DHRS7B: variants seen among roughly 807,000 people sequenced by gnomAD.
The protein encoded by DHRS7B is peroxisomal reductase activating PPAR-gamma.
Under a neutral mutation model 26.4 loss-of-function variants are expected in DHRS7B, and 24 were observed. That is an observed-to-expected ratio of 0.91 (90% CI 0.66 to 1.28). The LOEUF is 1.28. Among genes scored for constraint, DHRS7B ranks in the 50% most tolerant of loss-of-function variants. DHRS7B has a pLI of 0.00. For missense variants in DHRS7B, 368 were observed against 419.4 expected, an observed-to-expected ratio of 0.88 and a Z score of 1.07; for synonymous variants, 142 against 166.4, an observed-to-expected ratio of 0.85 and a Z score of 1.13.
At position 21,127,348 on chromosome 17, in the gene DHRS7B, C is replaced by G; in HGVS notation, c.20+357C>G. ...TGTTTATTCCCACATTTCTGCGCGACGTAGGGGAGGCTCCGCAGCGTCTGC... is the reference window on the plus strand; with the variant it reads ...TGTTTATTCCCACATTTCTGCGCGAGGTAGGGGAGGCTCCGCAGCGTCTGC... On this transcript the variant is annotated intron_variant, in intron 1 of 6. Transcript: ENST00000395511. The G allele has an allele frequency of 1.1e-5, 3 of 261,352 alleles. No individual in the cohort carries two copies. The South Asian group carries it at 2.5e-4, about 22-fold the overall frequency. 16.2% of individuals were successfully genotyped at this position (261,352 alleles called of 1,614,324 possible).
chr17:21,175,184 A>T (rs1300453559), intron 2 of DHRS7B, among the ~76,000 whole-genome samples: 1 of 152,220 alleles, frequency 6.6e-6, no homozygotes, highest in African/African-American at 2.4e-5. Flanking sequence ...CGGAGGCTTC[A>T]CACCATGAGA....
Position 21,178,421 on chromosome 17 carries a change from C to G in DHRS7B, c.309+79C>G, listed in dbSNP as rs1271328937. ...GCACTGAGGAGATAGTGGCCCACTC[C>G]TGGACTGCTGAGCTGTAGGACATCC... On this transcript the variant is annotated intron_variant, in intron 3 of 6. Coordinates refer to ENST00000395511, the MANE Select transcript of DHRS7B (RefSeq NM_015510.5). 5 of 1,181,394 alleles carry G rather than the reference C, an allele frequency of 4.2e-6. No homozygotes were observed. In the East Asian group the frequency reaches 1.2e-4, roughly 28 times the overall value. 73.2% of individuals were successfully genotyped at this position (1,181,394 alleles called of 1,614,324 possible).
intron 1 of DHRS7B, among the ~76,000 whole-genome samples, chr17:21,149,684 A>G (rs1973719071): frequency 6.6e-6 from 1 of 152,176 alleles, no homozygotes; most frequent in Non-Finnish European, 1.5e-5. Context: ...GTTATTTAAG[A>G]TAAGTTGTCA....
intron 1 of DHRS7B, 153 bp from the exon 2 acceptor site, chr17:21,171,865 A>G (rs1347781798): frequency 1.1e-6 from 1 of 914,928 alleles, no homozygotes; most frequent in Non-Finnish European, 1.8e-6. Context: ...CAGTCGGCCG[A>G]GGGTGCAGGG....
intron 2 of DHRS7B, among the ~76,000 whole-genome samples, chr17:21,173,858 G>A (rs538233702): frequency 6.6e-6 from 1 of 152,194 alleles, no homozygotes; most frequent in Non-Finnish European, 1.5e-5. Flanking sequence ...GCTGGCAGAG[G>A]TGGAGCTCTG....
intron 1 of DHRS7B, among the ~76,000 whole-genome samples, chr17:21,132,586 T>C (rs1459876197): frequency 1.4e-5 from 2 of 143,672 alleles, no homozygotes; most frequent in South Asian, 2.2e-4. Context: ...TAGAAAGAGC[T>C]AGATTGGTTG....
intron 1 of DHRS7B, among the ~76,000 whole-genome samples, chr17:21,171,368 A>T (rs1034194186): frequency 2.0e-5 from 3 of 152,250 alleles, no homozygotes; most frequent in African/African-American, 7.2e-5. Context: ...GGGCAGGAAC[A>T]TGCCACAGGC....
chr17:21,177,941 AG>A (rs1974419979), intron 2 of DHRS7B, among the ~76,000 whole-genome samples: 1 of 152,254 alleles, frequency 6.6e-6, no homozygotes. Flanking sequence ...CTGTGAAGAT[AG>A]GTGATGCTCA....
chr17:21,156,557 A>G (rs1370098055), intron 1 of DHRS7B, among the ~76,000 whole-genome samples: 1 of 150,904 alleles, frequency 6.6e-6, no homozygotes, highest in Non-Finnish European at 1.5e-5. Context: ...TTGAGCCAAT[A>G]TTGCACCACT....
intron 3 of DHRS7B, 128 bp downstream of exon 3, chr17:21,178,470 G>A: frequency 2.7e-6 from 2 of 751,266 alleles, no homozygotes; most frequent in Non-Finnish European, 2.2e-6. Flanking sequence ...TCCCAGGGAA[G>A]GCAGCAGGTC....
At position 21,172,033 on chromosome 17, in the gene DHRS7B, G is replaced by A; in HGVS notation, c.36G>A (p.Lys12=). 5 of 1,614,182 alleles carry A rather than the reference G, an allele frequency of 3.1e-6. No homozygotes were observed. The highest frequency in any genetic ancestry group is 4.2e-6 in the Non-Finnish European group (5 of 1,180,028). ...GTTCTTCCAGGAAGAGTCTGCCGAA[G>A]GTGAAGGCCATGGACTTCATCACCT... The part of the protein sequence containing the change: ...VSPATRKSLP[K]VKAMDFITST... Residue 12 remains lysine (K), a synonymous_variant, in exon 2 of 7, where the codon AAG becomes AAA. Coordinates refer to ENST00000395511, the MANE Select transcript of DHRS7B (RefSeq NM_015510.5).
At chr17:21,173,841 T>C (rs566637648) in intron 2 of DHRS7B, among the ~76,000 whole-genome samples, 1 of 152,250 alleles carries the variant, frequency 6.6e-6, no homozygotes, top group South Asian at 2.1e-4. Context: ...TTGAAGAGCA[T>C]TTGAGGGCTG....
At chr17:21,167,302 C>T (rs758050865) in intron 1 of DHRS7B, among the ~76,000 whole-genome samples, 2 of 152,106 alleles carry the variant, frequency 1.3e-5, no homozygotes, top group Admixed American at 6.5e-5. Context: ...CTCTGGCTGC[C>T]CGGGCCCAAG....
intron 1 of DHRS7B, among the ~76,000 whole-genome samples, chr17:21,145,546 A>G (rs1055531328): frequency 6.6e-6 from 1 of 152,220 alleles, no homozygotes; most frequent in Non-Finnish European, 1.5e-5. Flanking sequence ...TTCATTTTCC[A>G]TTGCTGGATA....
intron 1 of DHRS7B, among the ~76,000 whole-genome samples, chr17:21,151,080 C>G (rs532327549): frequency 6.6e-6 from 1 of 152,288 alleles, no homozygotes; most frequent in South Asian, 2.1e-4. Flanking sequence ...GGCATAAGCT[C>G]AAAAGCAGCA....
intron 1 of DHRS7B, among the ~76,000 whole-genome samples, chr17:21,155,260 T>C (rs1362664079): frequency 6.6e-6 from 1 of 152,144 alleles, no homozygotes; most frequent in East Asian, 1.9e-4. Flanking sequence ...CAACTTTAAG[T>C]ATAAAGACAC....
Position 21,183,785 on chromosome 17 carries a change from C to T in DHRS7B, c.501C>T (p.Tyr167=). 6.2e-7 allele frequency: 1 copy of T among 1,614,214 alleles called. No homozygotes were observed. Residue 167 remains tyrosine (Y), a synonymous_variant, in exon 4 of 7, where the codon TAC becomes TAT. Transcript: ENST00000395511. Reference sequence around the variant, plus strand: ...ACAAGAGGGTCATGGAGACAAACTACTTTGGCCCAGTTGCTCTAACGAAAG... The same window carrying T: ...ACAAGAGGGTCATGGAGACAAACTATTTTGGCCCAGTTGCTCTAACGAAAG... ...DVDKRVMETN[Y]FGPVALTKAL... is the part of the protein sequence containing the mutation.
chr17:21,178,204 G>A (rs2144169783), intron 2 of DHRS7B, 29 bp from the exon 3 acceptor site: 2 of 1,598,788 alleles, frequency 1.3e-6, no homozygotes, highest in South Asian at 2.2e-5. Context: ...AGGAAGAATG[G>A]CTGTCAAGGC....
At chr17:21,147,246 G>A (rs1361814325) in intron 1 of DHRS7B, among the ~76,000 whole-genome samples, 1 of 152,176 alleles carries the variant, frequency 6.6e-6, no homozygotes, top group Non-Finnish European at 1.5e-5. Flanking sequence ...GCCAAAACCA[G>A]TGTGCCTTAT....
Sources: gnomAD v4.1 joint callset for allele counts (sites outside exome capture counted in the v4.1 genomes callset) on GRCh38, gnomAD v4.1.1 for gene constraint, MANE v1.5 for transcripts, NCBI Gene and HGNC (gene_info 2026-07-23, HGNC 2026-07-21) for gene names.